The following CHM variants were observed in gnomAD, a reference collection of about 807,000 sequenced individuals.
CHM encodes the protein CHM Rab escort protein, also known as rab proteins geranylgeranyltransferase component A 1.
Under a neutral mutation model 49.0 loss-of-function variants are expected in CHM, and 10 were observed. The observed-to-expected ratio is 0.20, with a 90% CI of 0.13 to 0.35. The LOEUF is 0.35. Among genes scored for constraint, CHM ranks in the 10% least tolerant of loss-of-function variants. The pLI is 1.00. For synonymous variants in CHM, 184 were observed against 167.5 expected (o/e 1.10, Z -0.76); for missense variants, 455 against 478.4 (o/e 0.95, Z 0.46).
intron 2 of CHM, among the ~76,000 whole-genome samples, chrX:85,988,709 G>A (rs760554387): frequency 3.6e-5 from 4 of 111,331 alleles, no homozygotes; most frequent in African/African-American, 1.3e-4. Flanking sequence ...ATCGATAATA[G>A]GCAAGCTAAG....
At chrX:86,011,399 A>G (rs1360626580) in intron 2 of CHM, among the ~76,000 whole-genome samples, 1 of 111,375 alleles carries the variant, frequency 9.0e-6, no homozygotes, top group African/African-American at 3.3e-5. Context: ...GTATGAGAGA[A>G]TATATATTCA....
intron 8 of CHM, among the ~76,000 whole-genome samples, chrX:85,946,668 C>T (rs1389205252): frequency 8.9e-6 from 1 of 112,198 alleles, no homozygotes; most frequent in Admixed American, 9.4e-5. Flanking sequence ...ATGGAACCAC[C>T]ACAGAGAACC....
At chrX:85,932,216 C>G (rs1458201644) in intron 8 of CHM, among the ~76,000 whole-genome samples, 1 of 111,844 alleles carries the variant, frequency 8.9e-6, no homozygotes, top group Admixed American at 9.5e-5. Flanking sequence ...AAGGGTACTT[C>G]TAAAACCTTT....
chrX:86,000,021 A>T (rs773208929), intron 2 of CHM, among the ~76,000 whole-genome samples: 1 of 111,822 alleles, frequency 8.9e-6, no homozygotes, highest in South Asian at 3.7e-4. Context: ...ATAGCAAAAG[A>T]TTACAAGTAC....
intron 12 of CHM, among the ~76,000 whole-genome samples, chrX:85,882,608 G>A (rs1479023329): frequency 8.9e-6 from 1 of 111,774 alleles, no homozygotes; most frequent in Non-Finnish European, 1.9e-5. Flanking sequence ...CCCTCTTTTG[G>A]CAATACACTT....
chrX:86,033,593 T>C (rs1172003051), intron 1 of CHM, among the ~76,000 whole-genome samples: 2 of 112,236 alleles, frequency 1.8e-5, no homozygotes, highest in Non-Finnish European at 3.8e-5. Flanking sequence ...ATGCAGCCAC[T>C]CAAAATAATG....
chrX:85,994,748 C>A (rs965436063), intron 2 of CHM, among the ~76,000 whole-genome samples: 1 of 110,701 alleles, frequency 9.0e-6, no homozygotes, highest in Non-Finnish European at 1.9e-5. Flanking sequence ...ATTTCAAAGT[C>A]AAAGCAAGCC....
At chrX:85,966,600 A>T (rs193009924) in intron 4 of CHM, among the ~76,000 whole-genome samples, 11 of 111,770 alleles carry the variant, frequency 9.8e-5, no homozygotes, top group African/African-American at 3.6e-4. Context: ...AAACCAACAA[A>T]ACTAAAGTGT....
intron 8 of CHM, among the ~76,000 whole-genome samples, chrX:85,913,388 A>AAAGAAAGAAAG (rs1441206927): frequency 2.3e-4 from 19 of 83,428 alleles, no homozygotes; most frequent in African/African-American, 5.1e-4. Flanking sequence ...AAGAAAGAAA[A>AAAGAAAGAAAG]AAGGAAAAGG....
intron 6 of CHM, among the ~76,000 whole-genome samples, chrX:85,958,384 G>C (rs928452582): frequency 9.0e-6 from 1 of 111,618 alleles, no homozygotes; most frequent in Non-Finnish European, 1.9e-5. Flanking sequence ...GGCCCCTACA[G>C]TTTTGGTGCT....
chrX:86,010,267 T>C (rs1251720146), intron 2 of CHM, among the ~76,000 whole-genome samples: 5 of 101,766 alleles, frequency 4.9e-5, no homozygotes, highest in African/African-American at 1.5e-4. Context: ...GATGAGTTGA[T>C]GGGTGCAGCA....
intron 6 of CHM, 104 bp downstream of exon 6, chrX:85,958,757 T>C (rs1930135362): frequency 8.7e-7 from 1 of 1,150,959 alleles, no homozygotes; most frequent in African/African-American, 1.8e-5. Flanking sequence ...GACTGGAATT[T>C]ACTGCTTTAT....
intron 8 of CHM, among the ~76,000 whole-genome samples, chrX:85,929,829 T>G (rs377170110): frequency 7.1e-4 from 79 of 111,716 alleles, no homozygotes; most frequent in African/African-American, 2.4e-3. Flanking sequence ...AGGCCAGGTG[T>G]GGTGGCTCAT....
intron 8 of CHM, among the ~76,000 whole-genome samples, chrX:85,939,334 G>A (rs1928969960): frequency 8.9e-6 from 1 of 112,300 alleles, no homozygotes; most frequent in African/African-American, 3.2e-5. Flanking sequence ...GTTAACAGGT[G>A]ATGGGATTTC....
intron 1 of CHM, among the ~76,000 whole-genome samples, chrX:86,038,279 C>T (rs751440548): frequency 8.0e-5 from 9 of 111,861 alleles, no homozygotes; most frequent in South Asian, 3.7e-4. Context: ...GAGACAAATG[C>T]GTATCTGATG....
chrX:86,039,510 CAAAAAA>C (rs769393073), intron 1 of CHM, among the ~76,000 whole-genome samples: 1 of 40,204 alleles, frequency 2.5e-5, no homozygotes, highest in African/African-American at 9.3e-5. Context: ...TGGCCTAGAC[CAAAAAA>C]AAAAAAAAAA....
chrX:85,950,877 GA>G (rs1020876750), intron 8 of CHM, among the ~76,000 whole-genome samples: 3 of 111,253 alleles, frequency 2.7e-5, no homozygotes, highest in Admixed American at 9.5e-5. Context: ...CAATGTGAGA[GA>G]AAAAAAGATA....
chrX:86,004,001 G>A (rs1017060726), intron 2 of CHM, among the ~76,000 whole-genome samples: 2 of 111,827 alleles, frequency 1.8e-5, no homozygotes, highest in African/African-American at 6.5e-5. Flanking sequence ...AATGTTAAGG[G>A]CAGCCAGAGA....
At chrX:85,928,160 G>T (rs1412667308) in intron 8 of CHM, among the ~76,000 whole-genome samples, 1 of 112,024 alleles carries the variant, frequency 8.9e-6, no homozygotes, top group Non-Finnish European at 1.9e-5. Flanking sequence ...TATACTGTGT[G>T]GACACAATGA....
Sources: gnomAD v4.1 joint callset for allele counts (sites outside exome capture counted in the v4.1 genomes callset) on GRCh38, gnomAD v4.1.1 for gene constraint, MANE v1.5 for transcripts, NCBI Gene and HGNC (gene_info 2026-07-23, HGNC 2026-07-21) for gene names.